Variants in LIPI observed in about 807,000 individuals in gnomAD.
LIPI encodes the protein lipase member I.
In LIPI, 59 loss-of-function variants were observed where a neutral mutation model predicts 50.6. The ratio of observed to expected loss-of-function variants is 1.16; its 90% CI spans 0.94 to 1.45. The LOEUF (loss-of-function observed/expected upper bound fraction) is 1.45, where lower values mean the gene tolerates loss of function less well. Among genes scored for constraint, LIPI ranks in the 40% most tolerant of loss-of-function variants. The probability of loss-of-function intolerance (pLI) is 0.00; values close to 1 mark genes in which losing one functional copy is unlikely to be tolerated. For missense variants in LIPI, 586 were observed against 536.3 expected (o/e 1.09, Z -0.92); for synonymous variants, 203 against 178.2 (o/e 1.14, Z -1.11).
chr21:14,161,420 C>T (rs1221010036), intron 7 of LIPI, among the ~76,000 whole-genome samples: 1 of 138,126 alleles, frequency 7.2e-6, no homozygotes, highest in African/African-American at 2.7e-5. Flanking sequence ...ATTATATATA[C>T]ATGAGTATAA....
intron 4 of LIPI, among the ~76,000 whole-genome samples, chr21:14,171,178 A>C (rs1004815824): frequency 9.9e-5 from 15 of 151,464 alleles, no homozygotes; most frequent in African/African-American, 3.6e-4. Flanking sequence ...TGACCTCTTC[A>C]AGAAGAACTA....
At chr21:14,126,379 G>A (rs2017066319) in intron 9 of LIPI, among the ~76,000 whole-genome samples, 1 of 152,094 alleles carries the variant, frequency 6.6e-6, no homozygotes, top group South Asian at 2.1e-4. Flanking sequence ...ACATGCCATT[G>A]ACATAAGTAA....
intron 4 of LIPI, among the ~76,000 whole-genome samples, chr21:14,168,527 T>C (rs2018775209): frequency 6.6e-6 from 1 of 152,152 alleles, no homozygotes; most frequent in Admixed American, 6.5e-5. Flanking sequence ...CGGCAGAAAC[T>C]CTACAAGCCA....
At chr21:14,180,548 T>G (rs1199596387) in intron 4 of LIPI, among the ~76,000 whole-genome samples, 1 of 152,162 alleles carries the variant, frequency 6.6e-6, no homozygotes, top group Non-Finnish European at 1.5e-5. Context: ...GTTCCCCCAA[T>G]AAGTTAGAGT....
In LIPI at chr21:14,132,305, A is replaced by G. The variant is rs192069129; in HGVS notation, c.1295+12318T>C. Among the ~76,000 whole-genome samples the G allele has an allele frequency of 2.9e-3, 437 of 152,324 alleles. 4 individuals carry two copies. Among genetic ancestry groups the G allele is most frequent in the Non-Finnish European group, 3.5e-3 (237 of 68,016 alleles). On this transcript the variant is annotated intron_variant, in intron 9 of 9. Transcript: ENST00000681601. ...GGCAAACTGAAAGAATTTTTAAATTAGCAAATGAAATGTATCTAGTCACCT... is the reference window on the plus strand; with the variant it reads ...GGCAAACTGAAAGAATTTTTAAATTGGCAAATGAAATGTATCTAGTCACCT...
intron 5 of LIPI, among the ~76,000 whole-genome samples, 172 bp from the exon 6 acceptor site, chr21:14,165,562 CTT>C (rs1282721520): frequency 6.6e-6 from 1 of 152,110 alleles, no homozygotes; most frequent in Non-Finnish European, 1.5e-5. Context: ...CCAATGAAAA[CTT>C]AAATTTAGTA....
chr21:14,185,311 GTAAA>G (rs979821352), intron 3 of LIPI, among the ~76,000 whole-genome samples: 13 of 152,186 alleles, frequency 8.5e-5, no homozygotes, highest in Non-Finnish European at 4.4e-5. Flanking sequence ...TGATAACTAA[GTAAA>G]TAGTTATATT....
At chr21:14,145,525 G>C (rs1476109422) in intron 8 of LIPI, among the ~76,000 whole-genome samples, 1 of 152,060 alleles carries the variant, frequency 6.6e-6, no homozygotes, top group Non-Finnish European at 1.5e-5. Flanking sequence ...AGGAACTCCA[G>C]CTACTCTATT....
rs1454351603 is a variant in LIPI, at chr21:14,163,439, C to T, written c.986G>A (p.Ser329Asn). The stretch of plus-strand genomic sequence containing the variant: ...CTTACTACAGAATGGATATGTACCA[C>T]TTGTATCCAAAAACACAGTGGTCCT... ...PLRTTVFLDT[S>N]GTYPFCTYYF... Residue 329 changes from serine (S) to asparagine (N), a missense_variant, in exon 7 of 10, where the codon AGT becomes AAT. Ser to Asn is a conservative substitution (Grantham distance 46). Coordinates refer to ENST00000681601, the MANE Select transcript of LIPI (RefSeq NM_001302998.2). The T allele has an allele frequency of 3.9e-6, 6 of 1,522,088 alleles. No individual in the cohort carries two copies. Among genetic ancestry groups the T allele is most frequent in the Non-Finnish European group, 3.6e-6 (4 of 1,096,532 alleles). 94.3% of individuals were successfully genotyped at this position (1,522,088 alleles called of 1,614,324 possible).
chr21:14,138,688 A>G (rs1427754501), intron 9 of LIPI, among the ~76,000 whole-genome samples: 1 of 152,078 alleles, frequency 6.6e-6, no homozygotes, highest in African/African-American at 2.4e-5. Context: ...CATAACATTT[A>G]ATATTACAGC....
At chr21:14,145,617 G>A (rs2017875394) in intron 8 of LIPI, among the ~76,000 whole-genome samples, 2 of 152,070 alleles carry the variant, frequency 1.3e-5, no homozygotes, top group Admixed American at 6.6e-5. Flanking sequence ...AGGAGGAAGA[G>A]ATGAAGGAAG....
At position 14,108,823 on chromosome 21, in the gene LIPI, T is replaced by C. The variant is rs1426603512; in HGVS notation, c.*170A>G. ...AACTTTCAGAATATATTTGGAATGTTTAACTGTATGCATTTTTTATTTTCT... is the reference window on the plus strand; with the variant it reads ...AACTTTCAGAATATATTTGGAATGTCTAACTGTATGCATTTTTTATTTTCT... On this transcript the variant is annotated 3_prime_UTR_variant, in exon 10 of 10. Coordinates refer to ENST00000681601, the MANE Select transcript of LIPI (RefSeq NM_001302998.2). The C allele has an allele frequency of 4.3e-6, 3 of 690,178 alleles. No individual in the cohort carries two copies. Among genetic ancestry groups the C allele is most frequent in the Non-Finnish European group, 7.2e-6 (3 of 418,218 alleles). The allele number at this position is 690,178 out of a possible 1,614,324, so 42.8% of individuals were successfully genotyped here.
At chr21:14,189,606 CAAAA>C (rs773479759) in intron 1 of LIPI, among the ~76,000 whole-genome samples, 187 bp from the exon 2 acceptor site, 3 of 151,778 alleles carry the variant, frequency 2.0e-5, no homozygotes, top group East Asian at 3.9e-4. Context: ...TTTTCTGAAC[CAAAA>C]GTAATGGAAA....
chr21:14,144,564 A>C (rs370922074), intron 9 of LIPI, 59 bp downstream of exon 9: 12 of 925,680 alleles, frequency 1.3e-5, no homozygotes, highest in East Asian at 9.8e-5. Context: ...ATTACTTAAG[A>C]AACCAATATT....
intron 9 of LIPI, among the ~76,000 whole-genome samples, chr21:14,140,422 C>T (rs2017663683): frequency 6.6e-6 from 1 of 151,742 alleles, no homozygotes; most frequent in Non-Finnish European, 1.5e-5. Context: ...AATTTAAATC[C>T]ATCTATGTCA....
chr21:14,152,479 A>C, intron 8 of LIPI, 94 bp downstream of exon 8: 1 of 667,866 alleles, frequency 1.5e-6, no homozygotes, highest in Non-Finnish European at 2.7e-6. Context: ...TAGATTAAAA[A>C]ATAAACTACA....
chr21:14,194,018 C>T (rs1315228691), intron 1 of LIPI, among the ~76,000 whole-genome samples: 1 of 152,032 alleles, frequency 6.6e-6, no homozygotes, highest in African/African-American at 2.4e-5. Context: ...CCAAAAGTTC[C>T]ATAAGCTTAT....
At chr21:14,180,496 TA>T (rs2019235138) in intron 4 of LIPI, among the ~76,000 whole-genome samples, 1 of 152,164 alleles carries the variant, frequency 6.6e-6, no homozygotes, top group Non-Finnish European at 1.5e-5. Flanking sequence ...GGCCGACACT[TA>T]TGGAAAATAG....
Position 14,181,843 on chromosome 21 carries a change from C to A in LIPI, c.558G>T (p.Gly186=). 1.2e-6 allele frequency: 2 copies of A among 1,609,276 alleles called. No individual in the cohort carries two copies. Among genetic ancestry groups the A allele is most frequent in the Non-Finnish European group, 1.7e-6 (2 of 1,176,172 alleles). The part of the protein sequence containing the change: ...LGRITGLDPA[G]PRFSRKPPYS... ...ATGGTGGTTTTCTGGAGAACCTTGG[C>A]CCAGCAGGGTCAAGACCTGGAAAGC... The change falls in exon 4 of 10, where the codon GGG becomes GGT. Residue 186 remains glycine, a synonymous_variant. Transcript: ENST00000681601.
Sources: gnomAD v4.1 joint callset for allele counts (sites outside exome capture counted in the v4.1 genomes callset) on GRCh38, gnomAD v4.1.1 for gene constraint, MANE v1.5 for transcripts, NCBI Gene and HGNC (gene_info 2026-07-23, HGNC 2026-07-21) for gene names.